The following ADGRB2 variants were observed in gnomAD, a reference collection of about 807,000 sequenced individuals.
ADGRB2 encodes adhesion G protein-coupled receptor B2.
In ADGRB2, 47 loss-of-function variants were observed where a neutral mutation model predicts 178.7. The observed-to-expected ratio is 0.26, with a 90% CI of 0.21 to 0.34. The LOEUF (loss-of-function observed/expected upper bound fraction) is 0.34, where lower values mean the gene tolerates loss of function less well. Among genes scored for constraint, ADGRB2 ranks in the 10% least tolerant of loss-of-function variants. The pLI is 1.00. For synonymous variants in ADGRB2, 870 were observed against 912.4 expected (o/e 0.95, Z 0.84); for missense variants, 1,584 against 2,180.8 (o/e 0.73, Z 5.45).
Position 31,730,900 on chromosome 1 carries a change from G to T in ADGRB2, c.4280C>A (p.Pro1427Gln), listed in dbSNP as rs146789434. 108 of 1,579,722 alleles carry T rather than the reference G, an allele frequency of 6.8e-5. No individual in the cohort carries two copies. The highest frequency in any genetic ancestry group is 9.0e-5 in the Non-Finnish European group (105 of 1,162,202). Residue 1427 changes from proline to glutamine, a missense_variant, in exon 29 of 33, where the codon CCG (proline) becomes CAG (glutamine). By Grantham distance (76) the Pro-to-Gln change is moderately conservative. Coordinates refer to ENST00000373658, the MANE Select transcript of ADGRB2 (RefSeq NM_001364857.2). The part of the protein sequence containing the change: ...NPYGMTFQPP[P>Q]PTPSARQVPE... ...CACTTGGCGGGCGCTGGGTGTCGGC[G>T]GTGGCGGTTGGAAGGTCATTCCATA... is the stretch of plus-strand genomic sequence containing the variant.
Position 31,744,070 on chromosome 1 carries a change from G to T in ADGRB2, c.1087+123C>A, listed in dbSNP as rs1044874478. On this transcript the variant is annotated intron_variant, in intron 6 of 32. Transcript: ENST00000373658. The surrounding 1 kb of genome is among the most constrained non-coding windows in gnomAD (Gnocchi z 6.7). ...GTACGCAGAGTTGGGCATGGTGTGG[G>T]GAACAGCCACATTTGTTGAATGAAA... The T allele has an allele frequency of 7.8e-7, 1 of 1,278,348 alleles. No individual in the cohort carries two copies. Among genetic ancestry groups the T allele is most frequent in the Admixed American group, 3.0e-5 (1 of 33,866 alleles). 79.2% of individuals were successfully genotyped at this position (1,278,348 alleles called of 1,614,324 possible).
Position 31,756,543 on chromosome 1 carries a change from C to T in ADGRB2, c.294G>A (p.Leu98=). The T allele has an allele frequency of 2.5e-6, 4 of 1,613,326 alleles. No individual in the cohort carries two copies. The highest frequency in any genetic ancestry group is 2.7e-5 in the African/African-American group (2 of 75,074). The change falls in exon 4 of 33, where the codon CTG becomes CTA. Residue 98 remains leucine, a synonymous_variant. Transcript: ENST00000373658. The surrounding 1 kb of genome is among the most constrained non-coding windows in gnomAD (Gnocchi z 8.5). ...QVCAHFAPRL[L]PLDHYLVNFT... Reference sequence around the variant, plus strand: ...AGTTGACCAGGTAGTGGTCCAGGGGCAGCAGGCGGGGGGCAAAGTGTGCGC... The same window carrying T: ...AGTTGACCAGGTAGTGGTCCAGGGGTAGCAGGCGGGGGGCAAAGTGTGCGC...
intron 6 of ADGRB2, chr1:31,743,320 G>A (rs1473188900): frequency 7.0e-6 from 2 of 285,342 alleles, no homozygotes; most frequent in East Asian, 6.0e-5. Context: ...TTCAGGAAAG[G>A]ACCCAGGACC....
rs542908346 is a variant in ADGRB2 at position 31,754,164 on chromosome 1, C to T, written c.838+1835G>A. Among the ~76,000 whole-genome samples, 9 of 152,350 alleles carry T rather than the reference C, an allele frequency of 5.9e-5. No individual in the cohort carries two copies. Among genetic ancestry groups the T allele is most frequent in the Admixed American group, 3.3e-4 (5 of 15,308 alleles). On this transcript the variant is annotated intron_variant, in intron 4 of 32. Coordinates refer to ENST00000373658, the MANE Select transcript of ADGRB2 (RefSeq NM_001364857.2). The surrounding 1 kb of genome is among the most constrained non-coding windows in gnomAD (Gnocchi z 5.7). ...TCTGCAGAGGCTCTGATGATGGTGC[C>T]TTTCCCATCACCGGCCCTCTCTGAT...
At position 31,761,921 on chromosome 1, in the gene ADGRB2, C is replaced by T. The variant is rs1410637670; in HGVS notation, c.-191+1963G>A. On this transcript the variant is annotated intron_variant, in intron 1 of 32. Coordinates refer to ENST00000373658, the MANE Select transcript of ADGRB2 (RefSeq NM_001364857.2). The surrounding 1 kb of genome is among the most constrained non-coding windows in gnomAD (Gnocchi z 4.2). The stretch of plus-strand genomic sequence containing the variant: ...TCATTCTCCCAACAGCTATATGAGG[C>T]AGTGATCACTGACCCATTTTATAGA... Among the ~76,000 whole-genome samples, 1 of 152,168 alleles carries T rather than the reference C, an allele frequency of 6.6e-6. No homozygotes were observed. Among genetic ancestry groups the T allele is most frequent in the Non-Finnish European group, 1.5e-5 (1 of 68,048 alleles).
At chr1:31,757,986 G>A (rs541771014) in intron 1 of ADGRB2, among the ~76,000 whole-genome samples, 5 of 152,314 alleles carry the variant, frequency 3.3e-5, no homozygotes, top group Admixed American at 1.3e-4. Context: ...TAAGGGCTGA[G>A]GATGGGGGGA....
chr1:31,757,301 G>T lies in ADGRB2; in HGVS notation c.-60-20C>A. On this transcript the variant is annotated intron_variant, in intron 2 of 32. Coordinates refer to ENST00000373658, the MANE Select transcript of ADGRB2 (RefSeq NM_001364857.2). ...GTAATCCTGTGGTAATTGTCAAAGT[G>T]GTGATGTTTGACTATGATTTGCTTT... The T allele has an allele frequency of 6.4e-7, 1 of 1,554,700 alleles. No individual in the cohort carries two copies. Among genetic ancestry groups the T allele is most frequent in the Non-Finnish European group, 8.9e-7 (1 of 1,128,700 alleles).
intron 4 of ADGRB2, among the ~76,000 whole-genome samples, chr1:31,746,890 G>A (rs1646303911): frequency 6.6e-6 from 1 of 152,144 alleles, no homozygotes; most frequent in South Asian, 2.1e-4. Flanking sequence ...CTTCGCTCTC[G>A]GAGAGGCCCT....
chr1:31,744,538 C>G lies in ADGRB2; in HGVS notation c.922+110G>C, dbSNP rs144464497. On this transcript the variant is annotated intron_variant, in intron 5 of 32. Coordinates refer to ENST00000373658, the MANE Select transcript of ADGRB2 (RefSeq NM_001364857.2). The surrounding 1 kb of genome is among the most constrained non-coding windows in gnomAD (Gnocchi z 6.7). ...TCCCACAAGCTTCATGTGGCACAGA[C>G]GCGACTGAACTGCAGGACAGAGACA... 6.9e-7 allele frequency: 1 copy of G among 1,457,410 alleles called. No individual in the cohort carries two copies. Among genetic ancestry groups the G allele is most frequent in the South Asian group, 1.2e-5 (1 of 81,546 alleles). 90.3% of individuals were successfully genotyped at this position (1,457,410 alleles called of 1,614,324 possible).
At chr1:31,749,722 G>A (rs1027495189) in intron 4 of ADGRB2, among the ~76,000 whole-genome samples, 9 of 152,186 alleles carry the variant, frequency 5.9e-5, no homozygotes, top group African/African-American at 1.9e-4. Flanking sequence ...GACCAGCCTG[G>A]GAAACATGGT....
rs1450995383 is a variant in ADGRB2 at position 31,735,566 on chromosome 1, G to A, written c.3353+14C>T. The A allele has an allele frequency of 1.2e-6, 2 of 1,613,268 alleles. No homozygotes were observed. The highest frequency in any genetic ancestry group is 1.7e-5 in the Admixed American group (1 of 59,996). ...ATTTCCAGAAAGGCCAAGTCTCAGA[G>A]GCCCCCCCCTTACCCGGCCCTCTGC... is the stretch of plus-strand genomic sequence containing the variant. On this transcript the variant is annotated intron_variant, in intron 24 of 32. Transcript: ENST00000373658. The surrounding 1 kb of genome is among the most constrained non-coding windows in gnomAD (Gnocchi z 6.0).
chr1:31,760,951 G>A (rs1374318040), intron 1 of ADGRB2: 1 of 152,118 alleles, frequency 6.6e-6, no homozygotes, highest in African/African-American at 2.4e-5. Context: ...TAGGGGAGGG[G>A]GTTCCTCCTT....
intron 7 of ADGRB2, among the ~76,000 whole-genome samples, chr1:31,742,552 C>A (rs1646033478): frequency 6.6e-6 from 1 of 152,212 alleles, no homozygotes; most frequent in African/African-American, 2.4e-5. Flanking sequence ...CTCTCACAGT[C>A]CAGCTGGCCA....
intron 22 of ADGRB2, 55 bp downstream of exon 22, chr1:31,736,266 C>T (rs1000567944): frequency 1.4e-5 from 23 of 1,591,202 alleles, no homozygotes; most frequent in Admixed American, 5.1e-5. Context: ...CTGCCCAGTC[C>T]GATTCCCTAA....
Position 31,735,313 on chromosome 1 carries a change from G to A in ADGRB2, c.3354-32C>T. 1 of 1,461,662 alleles carries A rather than the reference G, an allele frequency of 6.8e-7. No individual in the cohort carries two copies. The allele number at this position is 1,461,662 out of a possible 1,614,324, so 90.5% of individuals were successfully genotyped here. A position where few individuals can be genotyped will look rare whatever the true frequency, so the allele number is the denominator to read the frequency against. On this transcript the variant is annotated intron_variant, in intron 24 of 32. Coordinates refer to ENST00000373658, the MANE Select transcript of ADGRB2 (RefSeq NM_001364857.2). This position sits in a 1 kb window ranked among gnomAD's most constrained non-coding sequence, Gnocchi z 6.0. ...GGCGGCACAGACATGGGAGAAGGAG[G>A]GGAAACACATGGGAAGCCGGGAGAT...
At position 31,753,727 on chromosome 1, in the gene ADGRB2, G is replaced by T. The variant is rs1009443244; in HGVS notation, c.838+2272C>A. ...GGTGGTGCTGCCACAAGGCACAGAC[G>T]GTGCCACGGACCCTCAGACATGCCC... On this transcript the variant is annotated intron_variant, in intron 4 of 32. Transcript: ENST00000373658. The surrounding 1 kb of genome is among the most constrained non-coding windows in gnomAD (Gnocchi z 4.1). Among the ~76,000 whole-genome samples, 4 of 152,230 alleles carry T rather than the reference G, an allele frequency of 2.6e-5. No individual in the cohort carries two copies. Among genetic ancestry groups the T allele is most frequent in the Non-Finnish European group, 4.4e-5 (3 of 68,042 alleles).
At chr1:31,729,334 G>A (rs956382644) in intron 29 of ADGRB2, among the ~76,000 whole-genome samples, 3 of 152,076 alleles carry the variant, frequency 2.0e-5, no homozygotes, top group African/African-American at 4.8e-5. Context: ...GGTGATACTA[G>A]GACCACCATC....
chr1:31,755,982 G>A lies in ADGRB2; in HGVS notation c.838+17C>T. The A allele has an allele frequency of 6.3e-7, 1 of 1,588,778 alleles. No individual in the cohort carries two copies. The highest frequency in any genetic ancestry group is 8.6e-7 in the Non-Finnish European group (1 of 1,163,380). On this transcript the variant is annotated intron_variant, in intron 4 of 32. Transcript: ENST00000373658. The surrounding 1 kb of genome is among the most constrained non-coding windows in gnomAD (Gnocchi z 5.1). ...CCCCTGCAGACCCCGCCCCACCCAG[G>A]CCCTGCTGAGACTCACCATATCTCA...
rs758855421 is a variant in ADGRB2, at chr1:31,727,578, T to C, written c.4600A>G (p.Ser1534Gly). ...TGATGGCGCCGATGTTGGGACAAGC[T>C]GGGGCGCTCCCCAGGGCTGGGCTTA... ...TDKPSPGERP[S>G]LSQHRRHQSW... The change falls in exon 33 of 33, where the codon AGC (serine) becomes GGC (glycine). Residue 1534 changes from serine (S) to glycine (G), a missense_variant. Physicochemically the swap from Ser to Gly is moderately conservative, Grantham distance 56. Around this residue, in one of 3 missense-constraint regions of ADGRB2, gnomAD observed 865 missense variants for 1,192.8 expected, o/e 0.73. Coordinates refer to ENST00000373658, the MANE Select transcript of ADGRB2 (RefSeq NM_001364857.2). The surrounding 1 kb of genome is among the most constrained non-coding windows in gnomAD (Gnocchi z 4.4). 18 of 1,560,974 alleles carry C rather than the reference T, an allele frequency of 1.2e-5. No individual in the cohort carries two copies. The highest frequency in any genetic ancestry group is 1.6e-5 in the Non-Finnish European group (18 of 1,160,722).
Sources: gnomAD v4.1 joint callset for allele counts (sites outside exome capture counted in the v4.1 genomes callset) on GRCh38, gnomAD v4.1.1 for gene constraint, gnomAD v4.1.1 regional missense constraint, Gnocchi (gnomAD v3.1) non-coding constraint, MANE v1.5 for transcripts, NCBI Gene and HGNC (gene_info 2026-07-23, HGNC 2026-07-21) for gene names.